Variants in LRRTM4 observed in about 807,000 individuals in gnomAD.
LRRTM4 encodes the protein leucine-rich repeat transmembrane neuronal protein 4.
Under a neutral mutation model 47.6 loss-of-function variants are expected in LRRTM4, and 25 were observed. The ratio of observed to expected loss-of-function variants is 0.53; its 90% CI spans 0.38 to 0.73. The LOEUF (loss-of-function observed/expected upper bound fraction) is 0.73. LRRTM4 is among the 30% of genes least tolerant of loss of function. LRRTM4 has a pLI of 0.00. For missense variants in LRRTM4, 638 were observed against 713.4 expected (o/e 0.89, Z 1.20); for synonymous variants, 311 against 269.5 (o/e 1.15, Z -1.51).
At chr2:77,470,146 C>A (rs751901556) in intron 3 of LRRTM4, among the ~76,000 whole-genome samples, 11 of 152,092 alleles carry the variant, frequency 7.2e-5, no homozygotes, top group Non-Finnish European at 1.6e-4. Flanking sequence ...TAGGGAAAAC[C>A]ACTTCAAAAA....
intron 3 of LRRTM4, among the ~76,000 whole-genome samples, chr2:77,352,608 A>T (rs955851955): frequency 3.9e-5 from 6 of 152,088 alleles, no homozygotes; most frequent in Non-Finnish European, 7.4e-5. Context: ...TGATAGACCT[A>T]TATTTTAATG....
At chr2:76,957,598 T>A (rs1009895399) in intron 3 of LRRTM4, among the ~76,000 whole-genome samples, 14 of 151,760 alleles carry the variant, frequency 9.2e-5, no homozygotes, top group Admixed American at 2.6e-4. Context: ...TCCAGAATTA[T>A]TTTTCAATCT....
intron 3 of LRRTM4, among the ~76,000 whole-genome samples, chr2:77,162,830 C>A (rs374957792): frequency 6.6e-6 from 1 of 152,148 alleles, no homozygotes; most frequent in Non-Finnish European, 1.5e-5. Flanking sequence ...ATGTCACCAT[C>A]ATCAAAGACT....
intron 3 of LRRTM4, among the ~76,000 whole-genome samples, chr2:76,823,155 CATG>C (rs1224250804): frequency 7.9e-5 from 12 of 151,290 alleles, no homozygotes; most frequent in African/African-American, 2.9e-4. Context: ...ATCTTGATGC[CATG>C]ATTACATATA....
chr2:77,257,225 A>G (rs1291606473), intron 3 of LRRTM4, among the ~76,000 whole-genome samples: 1 of 151,992 alleles, frequency 6.6e-6, no homozygotes, highest in Non-Finnish European at 1.5e-5. Flanking sequence ...CTTTTTCCTA[A>G]GTCTGGGAAT....
intron 3 of LRRTM4, among the ~76,000 whole-genome samples, chr2:76,749,662 A>G (rs1672780227): frequency 6.6e-6 from 1 of 152,196 alleles, no homozygotes; most frequent in Admixed American, 6.5e-5. Flanking sequence ...AGACCTGAAT[A>G]ATGGTCTGCA....
At chr2:76,806,274 C>T (rs1342617519) in intron 3 of LRRTM4, among the ~76,000 whole-genome samples, 3 of 152,004 alleles carry the variant, frequency 2.0e-5, no homozygotes, top group Admixed American at 2.0e-4. Context: ...ACATCTTAAA[C>T]CAGATGCATA....
intron 3 of LRRTM4, among the ~76,000 whole-genome samples, chr2:76,780,552 G>A (rs560396337): frequency 2.4e-4 from 36 of 151,758 alleles, no homozygotes; most frequent in East Asian, 1.7e-3. Context: ...TGATCGCATC[G>A]GCTCCTGAGG....
intron 3 of LRRTM4, among the ~76,000 whole-genome samples, chr2:76,845,964 T>C (rs200835245): frequency 6.6e-6 from 1 of 152,134 alleles, no homozygotes; most frequent in East Asian, 1.9e-4. Flanking sequence ...ATAGATCCAC[T>C]TATACACGGA....
At chr2:76,866,783 G>A (rs1263261307) in intron 3 of LRRTM4, among the ~76,000 whole-genome samples, 1 of 152,072 alleles carries the variant, frequency 6.6e-6, no homozygotes, top group Non-Finnish European at 1.5e-5. Context: ...CTTTGCTATT[G>A]TAAATAATGC....
At chr2:77,019,386 A>T (rs1678187770) in intron 3 of LRRTM4, among the ~76,000 whole-genome samples, 1 of 152,020 alleles carries the variant, frequency 6.6e-6, no homozygotes, top group Non-Finnish European at 1.5e-5. Context: ...ATCTAAGAGT[A>T]CTACCTCTTC....
At chr2:77,007,383 A>C (rs1221939678) in intron 3 of LRRTM4, among the ~76,000 whole-genome samples, 1 of 152,188 alleles carries the variant, frequency 6.6e-6, no homozygotes, top group Non-Finnish European at 1.5e-5. Context: ...AAAAAGATCA[A>C]TATGAAGATA....
At position 77,049,157 on chromosome 2, in the gene LRRTM4, T is replaced by TACACACAC. The variant is rs1336101809; in HGVS notation, c.1552-300249_1552-300242dup. On this transcript the variant is annotated intron_variant, in intron 3 of 3. Coordinates refer to ENST00000409884, the MANE Select transcript of LRRTM4 (RefSeq NM_001134745.3). ...ATATATATATATATATATATATATATACACACACACACACACCACATTTTC... is the reference window on the plus strand; with the variant it reads ...ATATATATATATATATATATATATATACACACACACACACACACACACACCACATTTTC... 2.5e-4 allele frequency among the ~76,000 whole-genome samples: 27 copies of TACACACAC among 106,354 alleles called. 1 individual carries two copies. The highest frequency in any genetic ancestry group is 1.3e-3 in the African/African-American group (26 of 19,814). 69.8% of individuals were successfully genotyped at this position (106,354 alleles called of 152,430 possible).
chr2:77,116,238 T>C (rs2919059), intron 3 of LRRTM4, among the ~76,000 whole-genome samples: 23,557 of 151,312 alleles, frequency 0.16, 3,691 homozygotes, highest in African/African-American at 0.39. Context: ...GTGGTGTAAT[T>C]AAACGCAATA....
chr2:77,089,918 C>T (rs934541457), intron 3 of LRRTM4, among the ~76,000 whole-genome samples: 1 of 151,878 alleles, frequency 6.6e-6, no homozygotes, highest in Non-Finnish European at 1.5e-5. Context: ...CCTTCCTAGT[C>T]TCTGTGCCCA....
intron 3 of LRRTM4, among the ~76,000 whole-genome samples, chr2:77,452,352 G>A (rs1451093315): frequency 6.6e-6 from 1 of 152,194 alleles, no homozygotes; most frequent in Non-Finnish European, 1.5e-5. Context: ...TGATGGATTG[G>A]ATGCGGGGAG....
intron 3 of LRRTM4, among the ~76,000 whole-genome samples, chr2:76,904,668 C>T (rs1673760284): frequency 6.6e-6 from 1 of 152,126 alleles, no homozygotes; most frequent in African/African-American, 2.4e-5. Context: ...CGTGTTGGCA[C>T]ATTGGAAAGA....
At chr2:76,829,988 G>C (rs1316677834) in intron 3 of LRRTM4, among the ~76,000 whole-genome samples, 1 of 151,956 alleles carries the variant, frequency 6.6e-6, no homozygotes, top group Non-Finnish European at 1.5e-5. Context: ...GATGATCAAA[G>C]ACTAATTGCC....
At chr2:77,049,262 G>A (rs1178255558) in intron 3 of LRRTM4, among the ~76,000 whole-genome samples, 2 of 148,928 alleles carry the variant, frequency 1.3e-5, no homozygotes, top group Non-Finnish European at 3.0e-5. Context: ...AATAAACGTG[G>A]GAATGCATAT....
Sources: gnomAD v4.1 joint callset for allele counts (sites outside exome capture counted in the v4.1 genomes callset) on GRCh38, gnomAD v4.1.1 for gene constraint, MANE v1.5 for transcripts, NCBI Gene and HGNC (gene_info 2026-07-23, HGNC 2026-07-21) for gene names.